The following ZBTB20 variants were observed in gnomAD, a reference collection of about 807,000 sequenced individuals.
The protein encoded by ZBTB20 is zinc finger and BTB domain containing 20.
ZBTB20 carries 9 observed loss-of-function variants against 56.9 expected under a neutral mutation model. The ratio of observed to expected loss-of-function variants is 0.16; its 90% CI spans 0.10 to 0.28. ZBTB20 has a LOEUF of 0.28. Among genes scored for constraint, ZBTB20 ranks in the 10% least tolerant of loss-of-function variants. The probability of loss-of-function intolerance (pLI) is 1.00; values close to 1 mark genes in which losing one functional copy is unlikely to be tolerated. For synonymous variants in ZBTB20, 417 were observed against 420.7 expected (o/e 0.99, Z 0.11); for missense variants, 655 against 1,003.0 (o/e 0.65, Z 4.69).
chr3:114,968,480 T>C (rs1447119154), intron 3 of ZBTB20, among the ~76,000 whole-genome samples: 1 of 152,224 alleles, frequency 6.6e-6, no homozygotes, highest in African/African-American at 2.4e-5. Flanking sequence ...AGCCTTTTAC[T>C]GAACAAGGCT....
At chr3:114,579,131 G>A (rs1338583492) in intron 6 of ZBTB20, among the ~76,000 whole-genome samples, 1 of 151,674 alleles carries the variant, frequency 6.6e-6, no homozygotes, top group East Asian at 1.9e-4. Context: ...TAGAATTAGT[G>A]CTAAAGAAAC....
In ZBTB20 at chr3:114,351,454, GC is replaced by G; in HGVS notation, c.623del (p.Gly208AlafsTer116). Reference sequence around the variant, plus strand: ...CGGGAGTGCCCCGCGGCGTGTCCTGGCCCGAGTCCTGGATCCCCGGGAACAC... The same window carrying G: ...CGGGAGTGCCCCGCGGCGTGTCCTGGCCGAGTCCTGGATCCCCGGGAACAC... Reference protein sequence around the residue: ...GDVFPGIQDSGQDTPRGTPES... With the variant: ...GDVFPGIQDSXQDTPRGTPES... On this transcript the variant is annotated frameshift_variant, in exon 11 of 12. Transcript: ENST00000675478. LOFTEE classifies it high-confidence loss of function. 1 of 1,613,634 alleles carries G rather than the reference GC, an allele frequency of 6.2e-7. No homozygotes were observed.
intron 6 of ZBTB20, among the ~76,000 whole-genome samples, chr3:114,564,754 G>A (rs2110314883): frequency 6.6e-6 from 1 of 152,306 alleles, no homozygotes; most frequent in South Asian, 2.1e-4. Flanking sequence ...GTGTTTAGCT[G>A]AGAACCAACC....
intron 7 of ZBTB20, among the ~76,000 whole-genome samples, chr3:114,466,613 T>C (rs922322313): frequency 6.6e-6 from 1 of 152,222 alleles, no homozygotes; most frequent in South Asian, 2.1e-4. Context: ...CAAAGCAAGA[T>C]ACTATGGCCT....
chr3:114,616,989 G>C (rs1213352438), intron 6 of ZBTB20, among the ~76,000 whole-genome samples: 1 of 152,090 alleles, frequency 6.6e-6, no homozygotes, highest in Non-Finnish European at 1.5e-5. Flanking sequence ...CACAGTTATT[G>C]TCCTAGTTCA....
chr3:114,537,895 C>G (rs1273469372), intron 6 of ZBTB20, among the ~76,000 whole-genome samples: 1 of 152,014 alleles, frequency 6.6e-6, no homozygotes, highest in Non-Finnish European at 1.5e-5. Flanking sequence ...GGAAACCAAA[C>G]ACTGCATGTT....
intron 5 of ZBTB20, among the ~76,000 whole-genome samples, chr3:114,702,259 G>T (rs1487073724): frequency 6.6e-6 from 1 of 152,078 alleles, no homozygotes; most frequent in Non-Finnish European, 1.5e-5. Context: ...TGAGGCTGAG[G>T]ATTGATTGAG....
intron 5 of ZBTB20, among the ~76,000 whole-genome samples, chr3:114,764,016 T>C (rs760682013): frequency 4.6e-5 from 7 of 152,184 alleles, no homozygotes; most frequent in Admixed American, 2.6e-4. Flanking sequence ...TTTGTGTGGC[T>C]GGCTGCATTT....
intron 2 of ZBTB20, among the ~76,000 whole-genome samples, chr3:114,986,191 A>C (rs923698977): frequency 1.3e-5 from 2 of 152,070 alleles, no homozygotes; most frequent in African/African-American, 2.4e-5. Context: ...GATTACGGGA[A>C]AACTGAACCC....
intron 3 of ZBTB20, among the ~76,000 whole-genome samples, chr3:114,968,525 T>A (rs1368277395): frequency 6.6e-6 from 1 of 152,142 alleles, no homozygotes; most frequent in East Asian, 1.9e-4. Flanking sequence ...TGCCTTTGAA[T>A]AAGCATGCAG....
At chr3:114,794,343 T>C (rs1008675305) in intron 5 of ZBTB20, among the ~76,000 whole-genome samples, 1 of 152,106 alleles carries the variant, frequency 6.6e-6, no homozygotes, top group South Asian at 2.1e-4. Context: ...TATTTCTTTT[T>C]CTACACAAGA....
intron 7 of ZBTB20, among the ~76,000 whole-genome samples, chr3:114,403,726 T>A (rs2087027893): frequency 2.0e-5 from 3 of 152,066 alleles, no homozygotes; most frequent in Admixed American, 2.0e-4. Context: ...TCAAAAAAAT[T>A]AACTGAGAAG....
Position 114,627,897 on chromosome 3 carries a change from G to A in ZBTB20, c.-295+65631C>T, listed in dbSNP as rs868769751. Among the ~76,000 whole-genome samples the A allele has an allele frequency of 2.0e-5, 3 of 152,108 alleles. No individual in the cohort carries two copies. In the South Asian group the frequency reaches 6.2e-4, roughly 32 times the overall value. ...CAGGCTGAGTTAGTGTTAATTTTCA[G>A]TAGAGGACGGCAGTAGCATGCTGAA... On this transcript the variant is annotated intron_variant, in intron 6 of 11. Coordinates refer to ENST00000675478, the MANE Select transcript of ZBTB20 (RefSeq NM_001348800.3).
chr3:114,737,682 G>A (rs1460492803), intron 5 of ZBTB20, among the ~76,000 whole-genome samples: 2 of 152,106 alleles, frequency 1.3e-5, no homozygotes, highest in African/African-American at 2.4e-5. Context: ...TGAAACAAAT[G>A]AAATTTTATC....
chr3:115,099,918 A>C (rs2083517720), intron 1 of ZBTB20, among the ~76,000 whole-genome samples: 1 of 152,126 alleles, frequency 6.6e-6, no homozygotes, highest in South Asian at 2.1e-4. Flanking sequence ...AGAAAAATAG[A>C]TTTGTTTGTA....
intron 5 of ZBTB20, among the ~76,000 whole-genome samples, chr3:114,777,214 T>G (rs1212050305): frequency 6.6e-6 from 1 of 152,158 alleles, no homozygotes; most frequent in Non-Finnish European, 1.5e-5. Flanking sequence ...AATTCTTAAA[T>G]AGATATATTA....
intron 7 of ZBTB20, among the ~76,000 whole-genome samples, chr3:114,469,823 T>G (rs1482947698): frequency 1.3e-5 from 2 of 152,192 alleles, no homozygotes; most frequent in African/African-American, 4.8e-5. Context: ...ACTAACTGCA[T>G]GGACAGCATG....
chr3:114,675,698 T>C (rs2061588449), intron 6 of ZBTB20, among the ~76,000 whole-genome samples: 1 of 152,132 alleles, frequency 6.6e-6, no homozygotes, highest in Non-Finnish European at 1.5e-5. Context: ...TTTCCCATCA[T>C]ATTAAACTAA....
intron 6 of ZBTB20, among the ~76,000 whole-genome samples, chr3:114,683,022 T>C (rs1163699128): frequency 6.6e-6 from 1 of 152,216 alleles, no homozygotes; most frequent in Non-Finnish European, 1.5e-5. Context: ...TTGATAAACT[T>C]TTCTAAAAGA....
Sources: gnomAD v4.1 joint callset for allele counts (sites outside exome capture counted in the v4.1 genomes callset) on GRCh38, gnomAD v4.1.1 for gene constraint, MANE v1.5 for transcripts, NCBI Gene and HGNC (gene_info 2026-07-23, HGNC 2026-07-21) for gene names.